FHOD3: variants seen among roughly 807,000 people sequenced by gnomAD.
FHOD3 encodes the protein formin homology 2 domain containing 3.
A neutral mutation model predicts 173.0 loss-of-function variants in FHOD3; 90 were observed. The observed-to-expected ratio is 0.52, with a 90% confidence interval of 0.44 to 0.62. The LOEUF (loss-of-function observed/expected upper bound fraction) is 0.62. Ranked by LOEUF, FHOD3 falls within the 20% of genes least tolerant of loss-of-function variation. FHOD3 has a pLI of 0.00. For synonymous variants in FHOD3, 828 were observed against 823.0 expected, an observed-to-expected ratio of 1.01 and a Z score of -0.10; for missense variants, 1,945 against 2,034.7, an observed-to-expected ratio of 0.96 and a Z score of 0.85.
At chr18:36,372,133 G>T (rs1308218383) in intron 2 of FHOD3, among the ~76,000 whole-genome samples, 1 of 152,198 alleles carries the variant, frequency 6.6e-6, no homozygotes, top group African/African-American at 2.4e-5. Flanking sequence ...GGTGTAAATT[G>T]ACGTTTCTGA....
At chr18:36,658,597 A>AC (rs1257619898) in intron 14 of FHOD3, among the ~76,000 whole-genome samples, 1 of 152,232 alleles carries the variant, frequency 6.6e-6, no homozygotes, top group Non-Finnish European at 1.5e-5. Context: ...AAGGTGCTGT[A>AC]TAATTAATCC....
intron 17 of FHOD3, among the ~76,000 whole-genome samples, chr18:36,694,993 G>GTGTC (rs1259462196): frequency 1.3e-5 from 2 of 151,266 alleles, no homozygotes; most frequent in Non-Finnish European, 2.9e-5. Context: ...GTGTGTGTGT[G>GTGTC]TGTGCGTGTG....
chr18:36,550,667 TTCA>T (rs1453429867), intron 5 of FHOD3, among the ~76,000 whole-genome samples: 6 of 152,174 alleles, frequency 3.9e-5, no homozygotes, highest in African/African-American at 1.2e-4. Context: ...TTTCATGTAA[TTCA>T]TCAATAAGTA....
chr18:36,317,381 A>G (rs113010911), intron 1 of FHOD3, among the ~76,000 whole-genome samples: 13,335 of 152,188 alleles, frequency 0.088, 1,882 homozygotes, highest in African/African-American at 0.3. Flanking sequence ...CCTCTCTAGC[A>G]TCTGTTGTTT....
At chr18:36,431,564 G>A (rs767074377) in intron 3 of FHOD3, among the ~76,000 whole-genome samples, 4 of 152,232 alleles carry the variant, frequency 2.6e-5, no homozygotes, top group Non-Finnish European at 4.4e-5. Context: ...CTTGATGGCT[G>A]CATTGAAGCT....
intron 3 of FHOD3, among the ~76,000 whole-genome samples, chr18:36,454,071 A>G (rs769393510): frequency 2.0e-5 from 3 of 152,096 alleles, no homozygotes; most frequent in Admixed American, 6.5e-5. Context: ...TTAAAATCCA[A>G]TGTATTTTGC....
Position 36,722,054 on chromosome 18 carries a change from C to T in FHOD3, c.3417+3339C>T, listed in dbSNP as rs572745987. Among the ~76,000 whole-genome samples, 3 of 152,274 alleles carry T rather than the reference C, an allele frequency of 2.0e-5. No homozygotes were observed. In the South Asian group the frequency reaches 6.2e-4, roughly 32 times the overall value. ...CTGAAAAGATGCGATTTTTAATTTTCTTTCAAAATAGTTTCTGGAATTGGA... is the reference window on the plus strand; with the variant it reads ...CTGAAAAGATGCGATTTTTAATTTTTTTTCAAAATAGTTTCTGGAATTGGA... On this transcript the variant is annotated intron_variant, in intron 19 of 28. Transcript: ENST00000590592.
At chr18:36,470,832 A>G (rs1247379226) in intron 3 of FHOD3, among the ~76,000 whole-genome samples, 1 of 152,242 alleles carries the variant, frequency 6.6e-6, no homozygotes, top group African/African-American at 2.4e-5. Flanking sequence ...GAAATGAAAT[A>G]ACAGACAGGG....
chr18:36,453,560 A>G (rs528391605), intron 3 of FHOD3, among the ~76,000 whole-genome samples: 22 of 152,338 alleles, frequency 1.4e-4, no homozygotes, highest in African/African-American at 5.3e-4. Flanking sequence ...GCTTTCATGG[A>G]GCAGTTATAC....
At chr18:36,320,627 A>C (rs2044347669) in intron 1 of FHOD3, among the ~76,000 whole-genome samples, 1 of 152,256 alleles carries the variant, frequency 6.6e-6, no homozygotes, top group South Asian at 2.1e-4. Flanking sequence ...TCCCTAACTC[A>C]TTTTATGAGG....
At chr18:36,624,894 G>T (rs1018461193) in intron 9 of FHOD3, among the ~76,000 whole-genome samples, 1 of 152,226 alleles carries the variant, frequency 6.6e-6, no homozygotes, top group African/African-American at 2.4e-5. Context: ...AAAACTACAG[G>T]CTCCACTCCA....
rs1483087960 is a variant in FHOD3 at position 36,581,246 on chromosome 18, G to A, written c.606+4701G>A. On this transcript the variant is annotated intron_variant, in intron 6 of 28. Coordinates refer to ENST00000590592, the MANE Select transcript of FHOD3 (RefSeq NM_001281740.3). ...CCAGGCCCATGACTTATCACAGGAT[G>A]TGGATTTTTTTCTCTTCATACATCT... Among the ~76,000 whole-genome samples the A allele has an allele frequency of 2.0e-5, 3 of 152,254 alleles. No homozygotes were observed. The East Asian group carries it at 5.8e-4, about 29-fold the overall frequency.
intron 9 of FHOD3, among the ~76,000 whole-genome samples, chr18:36,620,274 T>C (rs8089499): frequency 0.025 from 3,814 of 152,320 alleles, 170 homozygotes; most frequent in African/African-American, 0.088. Context: ...AGGCAGGTTC[T>C]TTGGGGAACT....
At chr18:36,332,672 T>C (rs2045082881) in intron 1 of FHOD3, among the ~76,000 whole-genome samples, 1 of 152,208 alleles carries the variant, frequency 6.6e-6, no homozygotes, top group Non-Finnish European at 1.5e-5. Flanking sequence ...GGAAGGAATC[T>C]TTCTTATTGG....
Position 36,718,599 on chromosome 18 carries a change from A to G in FHOD3, c.3301A>G (p.Lys1101Glu). 6.2e-7 allele frequency: 1 copy of G among 1,614,162 alleles called. No individual in the cohort carries two copies. The highest frequency in any genetic ancestry group is 8.5e-7 in the Non-Finnish European group (1 of 1,180,038). ...AGTTCGGCCTTTTGACTGGCCATGT[A>G]AAAACAACCGACGCTGCAGAGAATT... is the stretch of plus-strand genomic sequence containing the variant. ...NEVRPFDWPC[K>E]NNRRCREFLW... The change falls in exon 19 of 29, where the codon AAA (lysine) becomes GAA (glutamate). Residue 1101 changes from lysine to glutamate, a missense_variant. By Grantham distance (56) the Lys-to-Glu change is moderately conservative (BLOSUM62 1). Coordinates refer to ENST00000590592, the MANE Select transcript of FHOD3 (RefSeq NM_001281740.3).
intron 27 of FHOD3, among the ~76,000 whole-genome samples, chr18:36,768,261 A>G (rs1186832985): frequency 6.6e-6 from 1 of 152,272 alleles, no homozygotes; most frequent in Non-Finnish European, 1.5e-5. Flanking sequence ...CTGATCAATT[A>G]CAAAGATGTA....
chr18:36,746,591 A>T (rs1320335962), intron 23 of FHOD3, among the ~76,000 whole-genome samples: 12 of 152,202 alleles, frequency 7.9e-5, no homozygotes, highest in Admixed American at 7.9e-4. Flanking sequence ...TTATCGCTGA[A>T]GAATAAGAGT....
intron 28 of FHOD3, among the ~76,000 whole-genome samples, chr18:36,773,514 T>C (rs1292027053): frequency 6.6e-6 from 1 of 152,218 alleles, no homozygotes; most frequent in East Asian, 1.9e-4. Flanking sequence ...GGATGGGGCC[T>C]GGGTCTCACG....
At chr18:36,513,771 T>TA (rs536901095) in intron 5 of FHOD3, among the ~76,000 whole-genome samples, 6 of 150,622 alleles carry the variant, frequency 4.0e-5, no homozygotes, top group Non-Finnish European at 7.4e-5. Context: ...TAGGGCTCAT[T>TA]AAAAAAAAAT....
Sources: gnomAD v4.1 joint callset for allele counts (sites outside exome capture counted in the v4.1 genomes callset) on GRCh38, gnomAD v4.1.1 for gene constraint, MANE v1.5 for transcripts, NCBI Gene and HGNC (gene_info 2026-07-23, HGNC 2026-07-21) for gene names.